The following LRRTM4 variants were observed in gnomAD, a reference collection of about 807,000 sequenced individuals.
The protein encoded by LRRTM4 is leucine rich repeat transmembrane neuronal 4.
A neutral mutation model predicts 47.6 loss-of-function variants in LRRTM4; 25 were observed. That is an observed-to-expected ratio of 0.53 (90% CI 0.38 to 0.73). The LOEUF (loss-of-function observed/expected upper bound fraction) is 0.73, where lower values mean the gene tolerates loss of function less well. Among genes scored for constraint, LRRTM4 ranks in the 30% least tolerant of loss-of-function variants. LRRTM4 has a pLI of 0.00. For missense variants in LRRTM4, 638 were observed against 713.4 expected, an observed-to-expected ratio of 0.89 and a Z score of 1.20; for synonymous variants, 311 against 269.5, an observed-to-expected ratio of 1.15 and a Z score of -1.51.
At chr2:76,762,475 C>G (rs191159407) in intron 3 of LRRTM4, among the ~76,000 whole-genome samples, 139 of 152,318 alleles carry the variant, frequency 9.1e-4, no homozygotes, top group Non-Finnish European at 1.5e-3. Flanking sequence ...CTACCCTTCA[C>G]CCCAAACTAC....
At chr2:77,115,982 T>C (rs1289593426) in intron 3 of LRRTM4, among the ~76,000 whole-genome samples, 1 of 152,184 alleles carries the variant, frequency 6.6e-6, no homozygotes, top group East Asian at 1.9e-4. Context: ...CTTGTCTGCT[T>C]GGGGAGTGTT....
At chr2:76,929,831 C>A (rs892885683) in intron 3 of LRRTM4, among the ~76,000 whole-genome samples, 2 of 151,882 alleles carry the variant, frequency 1.3e-5, no homozygotes, top group African/African-American at 4.8e-5. Flanking sequence ...TCTATCCTAT[C>A]TTTGTAGCAT....
intron 3 of LRRTM4, among the ~76,000 whole-genome samples, chr2:76,844,689 T>TAA (rs1671788598): frequency 6.6e-6 from 1 of 152,192 alleles, no homozygotes; most frequent in Admixed American, 6.6e-5. Flanking sequence ...CCATACTTTC[T>TAA]ATTGACAATT....
chr2:77,293,631 G>A (rs759668997), intron 3 of LRRTM4, among the ~76,000 whole-genome samples: 9 of 152,048 alleles, frequency 5.9e-5, no homozygotes, highest in Non-Finnish European at 1.2e-4. Flanking sequence ...ATATTTTTGT[G>A]AAAAAACATT....
intron 3 of LRRTM4, among the ~76,000 whole-genome samples, chr2:77,340,809 T>C (rs1430390552): frequency 1.3e-5 from 2 of 151,966 alleles, no homozygotes; most frequent in Non-Finnish European, 2.9e-5. Flanking sequence ...AATAAAAATA[T>C]AGACCTTGCT....
intron 3 of LRRTM4, among the ~76,000 whole-genome samples, chr2:76,796,096 C>T (rs140220096): frequency 0.011 from 1,512 of 134,144 alleles, 132 homozygotes; most frequent in Middle Eastern, 0.055. Context: ...CCGAATACTG[C>T]GCTTTTCAGA....
chr2:76,930,598 G>A (rs1310132335), intron 3 of LRRTM4, among the ~76,000 whole-genome samples: 3 of 151,968 alleles, frequency 2.0e-5, no homozygotes, highest in Non-Finnish European at 4.4e-5. Flanking sequence ...CAAAATAGTT[G>A]GACAGTCTTA....
intron 3 of LRRTM4, among the ~76,000 whole-genome samples, chr2:77,059,116 G>A (rs1679702358): frequency 6.6e-6 from 1 of 152,032 alleles, no homozygotes; most frequent in African/African-American, 2.4e-5. Flanking sequence ...CTTGGCAATG[G>A]TTTTCAAGAT....
intron 3 of LRRTM4, among the ~76,000 whole-genome samples, chr2:76,787,812 A>T (rs1003440422): frequency 2.0e-5 from 3 of 152,100 alleles, no homozygotes; most frequent in African/African-American, 7.2e-5. Context: ...CTGTCCAAGG[A>T]AAAAGCCAGT....
In LRRTM4 at chr2:76,807,394, ATATATG is replaced by A. The variant is rs1406900492; in HGVS notation, c.1552-58484_1552-58479del. ...ATAAACATTCATTTTATATATATATATATATGTATATACGTATATATATATATATAC... is the reference window on the plus strand; with the variant it reads ...ATAAACATTCATTTTATATATATATATATATACGTATATATATATATATAC... On this transcript the variant is annotated intron_variant, in intron 3 of 3. Coordinates refer to ENST00000409884, the MANE Select transcript of LRRTM4 (RefSeq NM_001134745.3). 5.2e-4 allele frequency among the ~76,000 whole-genome samples: 64 copies of A among 122,380 alleles called. 1 individual carries two copies. The highest frequency in any genetic ancestry group is 2.2e-3 in the African/African-American group (59 of 27,058). The allele number at this position is 122,380 out of a possible 152,430, so 80.3% of individuals were successfully genotyped here.
intron 3 of LRRTM4, among the ~76,000 whole-genome samples, chr2:76,856,009 G>T (rs1010061646): frequency 1.7e-4 from 26 of 152,206 alleles, no homozygotes; most frequent in Admixed American, 1.4e-3. Context: ...AGAAGTGGTG[G>T]CTCATGCCTG....
intron 3 of LRRTM4, among the ~76,000 whole-genome samples, chr2:76,936,887 G>A (rs1282182352): frequency 2.2e-5 from 3 of 138,392 alleles, no homozygotes; most frequent in South Asian, 2.3e-4. Flanking sequence ...CCCAGGAGGC[G>A]GAAGTTGCAG....
intron 3 of LRRTM4, among the ~76,000 whole-genome samples, chr2:77,446,589 A>T (rs1391039305): frequency 1.3e-5 from 2 of 152,090 alleles, no homozygotes; most frequent in East Asian, 3.9e-4. Context: ...ACCTAGTTCC[A>T]ACATAAACTC....
rs142751595 is a variant in LRRTM4 at position 77,427,999 on chromosome 2, T to C, written c.1551+90319A>G. Among the ~76,000 whole-genome samples the C allele has an allele frequency of 4.9e-3, 751 of 152,238 alleles. 6 individuals are homozygous for C. The highest frequency in any genetic ancestry group is 0.017 in the African/African-American group (721 of 41,572). On this transcript the variant is annotated intron_variant, in intron 3 of 3. Coordinates refer to ENST00000409884, the MANE Select transcript of LRRTM4 (RefSeq NM_001134745.3). ...GACCCAGTGGGAAGTAATTGAACCA[T>C]AGGGCAGTTACTCCCATGCTACTGT...
At chr2:76,838,849 G>T (rs941200202) in intron 3 of LRRTM4, among the ~76,000 whole-genome samples, 3 of 152,082 alleles carry the variant, frequency 2.0e-5, no homozygotes, top group African/African-American at 7.2e-5. Flanking sequence ...GAAAATTTCA[G>T]ATATTTATTA....
At chr2:77,045,128 C>T (rs1679191037) in intron 3 of LRRTM4, among the ~76,000 whole-genome samples, 1 of 151,588 alleles carries the variant, frequency 6.6e-6, no homozygotes, top group Non-Finnish European at 1.5e-5. Flanking sequence ...AAATGTTTAC[C>T]CAGCACAAAT....
At chr2:76,884,619 C>A (rs569132828) in intron 3 of LRRTM4, among the ~76,000 whole-genome samples, 10 of 151,980 alleles carry the variant, frequency 6.6e-5, no homozygotes, top group African/African-American at 9.6e-5. Context: ...ATATAAATAA[C>A]CTTATGTGGT....
intron 3 of LRRTM4, among the ~76,000 whole-genome samples, chr2:77,507,604 G>C (rs1678824062): frequency 6.6e-6 from 1 of 151,874 alleles, no homozygotes; most frequent in African/African-American, 2.4e-5. Context: ...CAAGTTTCAA[G>C]ATTGACATCT....
intron 3 of LRRTM4, among the ~76,000 whole-genome samples, chr2:77,162,666 A>T (rs1672764366): frequency 6.6e-6 from 1 of 151,942 alleles, no homozygotes; most frequent in Non-Finnish European, 1.5e-5. Flanking sequence ...ATTCCACAAT[A>T]TTTTCTGTTT....
Sources: gnomAD v4.1 joint callset for allele counts (sites outside exome capture counted in the v4.1 genomes callset) on GRCh38, gnomAD v4.1.1 for gene constraint, MANE v1.5 for transcripts, NCBI Gene and HGNC (gene_info 2026-07-23, HGNC 2026-07-21) for gene names.